SYT1: variants seen among roughly 807,000 people sequenced by gnomAD.
The protein encoded by SYT1 is synaptotagmin 1.
SYT1 carries 8 observed loss-of-function variants against 44.8 expected under a neutral mutation model. The observed-to-expected ratio is 0.18, with a 90% confidence interval of 0.10 to 0.32. The LOEUF is 0.32. SYT1 is among the 10% of genes least tolerant of loss of function. The pLI, the probability that SYT1 is intolerant of heterozygous loss-of-function variation, is 1.00. For missense variants in SYT1, 286 were observed against 509.3 expected, an observed-to-expected ratio of 0.56 and a Z score of 4.22; for synonymous variants, 154 against 188.8, an observed-to-expected ratio of 0.82 and a Z score of 1.51.
At chr12:79,136,056 T>C (rs1869170901) in intron 3 of SYT1, among the ~76,000 whole-genome samples, 1 of 152,174 alleles carries the variant, frequency 6.6e-6, no homozygotes, top group Admixed American at 6.5e-5. Flanking sequence ...TTGGGTTGAG[T>C]TCAGCTTAGA....
intron 4 of SYT1, among the ~76,000 whole-genome samples, chr12:79,279,715 G>A (rs939431914): frequency 1.3e-5 from 2 of 151,984 alleles, no homozygotes; most frequent in African/African-American, 4.8e-5. Flanking sequence ...ATGTCAAACT[G>A]TCTCTGTTGG....
In SYT1 at chr12:79,251,690, C is replaced by G. The variant is rs1877221218; in HGVS notation, c.166+34005C>G. Among the ~76,000 whole-genome samples the G allele has an allele frequency of 3.3e-5, 5 of 152,102 alleles. No individual in the cohort carries two copies. In the South Asian group the frequency reaches 1.0e-3, roughly 32 times the overall value. Reference sequence around the variant, plus strand: ...ATAGATACTTGCTTCCTTCCATGGACAGTAAAAAGTGTGTTCAATCTTGAC... The same window carrying G: ...ATAGATACTTGCTTCCTTCCATGGAGAGTAAAAAGTGTGTTCAATCTTGAC... On this transcript the variant is annotated intron_variant, in intron 4 of 10. Transcript: ENST00000261205.
intron 2 of SYT1, among the ~76,000 whole-genome samples, chr12:79,014,504 A>C (rs1000417988): frequency 6.6e-6 from 1 of 152,144 alleles, no homozygotes; most frequent in Non-Finnish European, 1.5e-5. Context: ...AATCAAAACC[A>C]CAATGAGATA....
At chr12:79,400,432 T>C (rs1476117251) in intron 9 of SYT1, among the ~76,000 whole-genome samples, 3 of 152,232 alleles carry the variant, frequency 2.0e-5, no homozygotes, top group Non-Finnish European at 4.4e-5. Flanking sequence ...TTCTGGCTTC[T>C]ACAGTTATTG....
intron 9 of SYT1, among the ~76,000 whole-genome samples, chr12:79,399,289 ATT>A (rs576684760): frequency 0.012 from 1,622 of 134,086 alleles, 31 homozygotes; most frequent in African/African-American, 0.04. Flanking sequence ...AGTAATTTGA[ATT>A]TTTTTTTTTT....
chr12:78,870,531 C>T (rs958304733), intron 1 of SYT1, among the ~76,000 whole-genome samples: 2 of 152,040 alleles, frequency 1.3e-5, no homozygotes, highest in Admixed American at 1.3e-4. Flanking sequence ...CAAATGCAAA[C>T]ATATTTGAAG....
chr12:79,294,990 T>TG (rs1879809881), intron 6 of SYT1, among the ~76,000 whole-genome samples: 1 of 152,140 alleles, frequency 6.6e-6, no homozygotes, highest in African/African-American at 2.4e-5. Flanking sequence ...AAAATGCACT[T>TG]AAGTACACGG....
intron 1 of SYT1, among the ~76,000 whole-genome samples, chr12:78,927,959 G>A (rs1039436079): frequency 2.0e-5 from 3 of 151,984 alleles, no homozygotes; most frequent in Non-Finnish European, 4.4e-5. Flanking sequence ...GTGTTTTTCG[G>A]TATTTCTCCC....
chr12:79,445,278 ATCATC>A (rs1467162821), intron 10 of SYT1, among the ~76,000 whole-genome samples: 3 of 152,116 alleles, frequency 2.0e-5, no homozygotes, highest in Non-Finnish European at 2.9e-5. Flanking sequence ...TAGCATATTT[ATCATC>A]TCAAACATTT....
chr12:78,938,633 T>C (rs1343306980), intron 1 of SYT1, among the ~76,000 whole-genome samples: 2 of 152,158 alleles, frequency 1.3e-5, no homozygotes, highest in Non-Finnish European at 2.9e-5. Flanking sequence ...CAGAAACGAA[T>C]AACTCATCAA....
rs142262902 is a variant in SYT1, at chr12:79,421,839, C to T, written c.929-22234C>T. Among the ~76,000 whole-genome samples the T allele has an allele frequency of 3.2e-3, 489 of 151,970 alleles. 3 individuals carry two copies. The highest frequency in any genetic ancestry group is 0.011 in the African/African-American group (468 of 41,458). On this transcript the variant is annotated intron_variant, in intron 9 of 10. Coordinates refer to ENST00000261205, the MANE Select transcript of SYT1 (RefSeq NM_005639.3). ...CAGGGCTGTGTTAAGCATTCTGTTA[C>T]CAGTATTTCCTAGAACATGGTATGT...
chr12:79,080,052 A>C (rs1053598948), intron 3 of SYT1, among the ~76,000 whole-genome samples: 4 of 152,126 alleles, frequency 2.6e-5, no homozygotes, highest in Admixed American at 6.6e-5. Flanking sequence ...ATTATTCGCC[A>C]GTGAGTCATT....
At chr12:79,380,481 C>T (rs1884171836) in intron 9 of SYT1, among the ~76,000 whole-genome samples, 1 of 152,182 alleles carries the variant, frequency 6.6e-6, no homozygotes. Context: ...GATCATAGCT[C>T]ACTGAAGCCT....
chr12:79,426,767 A>G (rs895002083), intron 9 of SYT1, among the ~76,000 whole-genome samples: 2 of 152,228 alleles, frequency 1.3e-5, no homozygotes, highest in Non-Finnish European at 2.9e-5. Flanking sequence ...TAAATATATT[A>G]TGATATGGTT....
chr12:79,372,338 A>G (rs1295708821), intron 9 of SYT1, among the ~76,000 whole-genome samples: 1 of 152,242 alleles, frequency 6.6e-6, no homozygotes, highest in African/African-American at 2.4e-5. Flanking sequence ...ATTCAATCAG[A>G]ACAAATCAAA....
intron 1 of SYT1, among the ~76,000 whole-genome samples, chr12:78,950,677 C>A (rs1474668163): frequency 6.6e-6 from 1 of 152,084 alleles, no homozygotes; most frequent in Non-Finnish European, 1.5e-5. Flanking sequence ...TCCAGGTCAA[C>A]AAACTGCAGG....
chr12:79,215,434 A>C (rs915229638), intron 3 of SYT1, among the ~76,000 whole-genome samples: 2 of 152,234 alleles, frequency 1.3e-5, no homozygotes, highest in Admixed American at 6.5e-5. Context: ...CTCATTTTAC[A>C]AAAGAAGAAA....
chr12:79,298,485 A>G (rs1879979783), intron 7 of SYT1, among the ~76,000 whole-genome samples: 1 of 152,154 alleles, frequency 6.6e-6, no homozygotes, highest in South Asian at 2.1e-4. Context: ...AGCATAAGAC[A>G]ACCATTTACA....
At chr12:79,180,216 A>G (rs1252654567) in intron 3 of SYT1, among the ~76,000 whole-genome samples, 1 of 152,170 alleles carries the variant, frequency 6.6e-6, no homozygotes, top group East Asian at 1.9e-4. Flanking sequence ...TTCTTTGAAA[A>G]TATGAACAAT....
Sources: allele counts gnomAD v4.1 joint callset (sites outside exome capture counted in the v4.1 genomes callset), GRCh38; gene constraint gnomAD v4.1.1; transcripts MANE v1.5; gene names NCBI Gene and HGNC (gene_info 2026-07-23, HGNC 2026-07-21).